Variants in TAFA1 observed in about 807,000 individuals in gnomAD.
TAFA1 encodes chemokine-like protein TAFA-1.
Under a neutral mutation model 18.5 loss-of-function variants are expected in TAFA1, and 4 were observed. The observed-to-expected ratio is 0.22, with a 90% CI of 0.11 to 0.49. The LOEUF is 0.49. Ranked by LOEUF, TAFA1 falls within the 20% of genes least tolerant of loss-of-function variation. The probability of loss-of-function intolerance (pLI) is 0.98; values close to 1 mark genes in which losing one functional copy is unlikely to be tolerated. For missense variants in TAFA1, 147 were observed against 169.0 expected (o/e 0.87, Z 0.72); for synonymous variants, 56 against 55.2 (o/e 1.01, Z -0.06).
chr3:68,461,318 C>A (rs970619792), intron 3 of TAFA1, among the ~76,000 whole-genome samples: 16 of 142,788 alleles, frequency 1.1e-4, no homozygotes, highest in African/African-American at 4.2e-4. Context: ...AACAAACAAA[C>A]CTGGCCAGGA....
At chr3:68,006,551 C>T in intron 1 of TAFA1, 73 bp from the exon 2 acceptor site, 3 of 930,784 alleles carry the variant, frequency 3.2e-6, no homozygotes, top group South Asian at 2.6e-5. Flanking sequence ...ACCTCCCTTC[C>T]CTCATCAGTG....
chr3:68,155,849 T>G (rs867339592), intron 2 of TAFA1, among the ~76,000 whole-genome samples: 1 of 152,166 alleles, frequency 6.6e-6, no homozygotes, highest in Admixed American at 6.5e-5. Flanking sequence ...GGTGTCAAAC[T>G]TGAACAGCTT....
chr3:68,130,803 G>C (rs1022382093), intron 2 of TAFA1, among the ~76,000 whole-genome samples: 2 of 151,966 alleles, frequency 1.3e-5, no homozygotes, highest in Admixed American at 1.3e-4. Flanking sequence ...CAGTTTGTAG[G>C]AATGGCTCCT....
At chr3:68,205,585 G>T (rs776164134) in intron 2 of TAFA1, among the ~76,000 whole-genome samples, 1 of 151,868 alleles carries the variant, frequency 6.6e-6, no homozygotes, top group Non-Finnish European at 1.5e-5. Flanking sequence ...AGTGGACTGA[G>T]CACGACCTTC....
intron 3 of TAFA1, among the ~76,000 whole-genome samples, chr3:68,418,106 T>C (rs949877580): frequency 6.6e-6 from 1 of 152,060 alleles, no homozygotes; most frequent in African/African-American, 2.4e-5. Context: ...ACTGAGGCTC[T>C]AGAGAATGAT....
intron 2 of TAFA1, among the ~76,000 whole-genome samples, chr3:68,372,572 A>G (rs1486861425): frequency 6.6e-6 from 1 of 152,234 alleles, no homozygotes; most frequent in Non-Finnish European, 1.5e-5. Flanking sequence ...TCACATGACA[A>G]ATAGCCTAGC....
At chr3:68,176,910 G>A (rs986567016) in intron 2 of TAFA1, among the ~76,000 whole-genome samples, 1 of 152,006 alleles carries the variant, frequency 6.6e-6, no homozygotes, top group Non-Finnish European at 1.5e-5. Flanking sequence ...GGAGGAATGT[G>A]GGGGGAAATT....
intron 2 of TAFA1, among the ~76,000 whole-genome samples, chr3:68,059,994 T>C (rs2064581549): frequency 6.6e-6 from 1 of 152,000 alleles, no homozygotes; most frequent in Admixed American, 6.6e-5. Flanking sequence ...CACACGGCAT[T>C]CTTTAGGCTG....
At chr3:68,353,736 G>A (rs2069312948) in intron 2 of TAFA1, among the ~76,000 whole-genome samples, 1 of 151,970 alleles carries the variant, frequency 6.6e-6, no homozygotes, top group Non-Finnish European at 1.5e-5. Context: ...CTTGTCAAAG[G>A]TCGCACAGTA....
intron 2 of TAFA1, among the ~76,000 whole-genome samples, chr3:68,333,295 A>G (rs929719651): frequency 6.6e-6 from 1 of 152,246 alleles, no homozygotes; most frequent in African/African-American, 2.4e-5. Flanking sequence ...AATATACACC[A>G]TGGAATACTA....
At chr3:68,082,190 C>A (rs899538105) in intron 2 of TAFA1, among the ~76,000 whole-genome samples, 2 of 152,094 alleles carry the variant, frequency 1.3e-5, no homozygotes, top group Middle Eastern at 3.2e-3. Flanking sequence ...GGTGTGCGCA[C>A]CCACTGAGCT....
At chr3:68,016,366 T>A (rs901005827) in intron 2 of TAFA1, among the ~76,000 whole-genome samples, 2 of 152,210 alleles carry the variant, frequency 1.3e-5, no homozygotes, top group African/African-American at 4.8e-5. Context: ...TTAGGCTTTT[T>A]AAACTTTTGC....
At chr3:68,451,249 C>T (rs2071562444) in intron 3 of TAFA1, among the ~76,000 whole-genome samples, 2 of 152,152 alleles carry the variant, frequency 1.3e-5, no homozygotes, top group Admixed American at 1.3e-4. Flanking sequence ...TATTGTAAGC[C>T]TAGACAGTTC....
At chr3:68,140,071 A>T (rs1399161731) in intron 2 of TAFA1, among the ~76,000 whole-genome samples, 1 of 152,114 alleles carries the variant, frequency 6.6e-6, no homozygotes, top group African/African-American at 2.4e-5. Context: ...GCTCAGTTTC[A>T]CTCTTGCATC....
At chr3:68,367,799 C>G (rs749085191) in intron 2 of TAFA1, among the ~76,000 whole-genome samples, 4 of 151,802 alleles carry the variant, frequency 2.6e-5, no homozygotes, top group Admixed American at 6.6e-5. Context: ...TAATTTTAAG[C>G]CAAGGTTGAG....
chr3:68,524,586 A>C (rs2073077380), intron 3 of TAFA1, among the ~76,000 whole-genome samples: 1 of 152,216 alleles, frequency 6.6e-6, no homozygotes, highest in Admixed American at 6.5e-5. Context: ...TTAAGCTACC[A>C]CAAGATTCCC....
rs2106854754 is a variant in TAFA1 at position 68,437,261 on chromosome 3, A to C, written c.259+19841A>C. 2.2e-5 allele frequency among the ~76,000 whole-genome samples: 3 copies of C among 134,108 alleles called. No individual in the cohort carries two copies. The South Asian group carries it at 7.0e-4, about 31-fold the overall frequency. 88.0% of individuals were successfully genotyped at this position (134,108 alleles called of 152,430 possible). On this transcript the variant is annotated intron_variant, in intron 3 of 4. Coordinates refer to ENST00000478136, the MANE Select transcript of TAFA1 (RefSeq NM_213609.4). ...TTAATCCAGGCTGTTGCTTAATAGC[A>C]CAATAACATTGTGCTATTCTTGGCA...
At chr3:68,055,036 G>T (rs1055857010) in intron 2 of TAFA1, among the ~76,000 whole-genome samples, 6 of 152,060 alleles carry the variant, frequency 3.9e-5, no homozygotes, top group Non-Finnish European at 5.9e-5. Flanking sequence ...CCTTCAGGCA[G>T]TTGTTTTGGT....
At chr3:68,052,136 A>G (rs1385313488) in intron 2 of TAFA1, among the ~76,000 whole-genome samples, 2 of 152,134 alleles carry the variant, frequency 1.3e-5, no homozygotes, top group Non-Finnish European at 2.9e-5. Context: ...TCCCCATTCA[A>G]AATGCTTTCT....
Sources: gnomAD v4.1 joint callset for allele counts (sites outside exome capture counted in the v4.1 genomes callset) on GRCh38, gnomAD v4.1.1 for gene constraint, MANE v1.5 for transcripts, NCBI Gene and HGNC (gene_info 2026-07-23, HGNC 2026-07-21) for gene names.